GRM5: variants seen among roughly 807,000 people sequenced by gnomAD.
GRM5 encodes metabotropic glutamate receptor 5.
In GRM5, 19 loss-of-function variants were observed where a neutral mutation model predicts 83.1. That is an observed-to-expected ratio of 0.23 (90% CI 0.16 to 0.34). GRM5 has a LOEUF of 0.34. Among genes scored for constraint, GRM5 ranks in the 10% least tolerant of loss-of-function variants. The pLI is 1.00. For missense variants in GRM5, 1,160 were observed against 1,588.3 expected (o/e 0.73, Z 4.58); for synonymous variants, 675 against 633.6 (o/e 1.07, Z -0.98).
At chr11:88,839,933 T>C (rs1023654715) in intron 3 of GRM5, among the ~76,000 whole-genome samples, 3 of 151,886 alleles carry the variant, frequency 2.0e-5, no homozygotes, top group African/African-American at 7.3e-5. Context: ...GGAAGAAAAA[T>C]ATATATTTAC....
At chr11:88,617,370 G>T (rs1208242515) in intron 4 of GRM5, among the ~76,000 whole-genome samples, 1 of 152,080 alleles carries the variant, frequency 6.6e-6, no homozygotes, top group Non-Finnish European at 1.5e-5. Flanking sequence ...AAAAATAACA[G>T]AACTCAAAAC....
chr11:88,919,806 G>C (rs962404074), intron 2 of GRM5, among the ~76,000 whole-genome samples: 10 of 151,978 alleles, frequency 6.6e-5, no homozygotes, highest in Middle Eastern at 6.8e-3. Flanking sequence ...TGACCAGTGG[G>C]CCCATGAATA....
chr11:88,778,806 A>ATT (rs2135460271), intron 3 of GRM5, among the ~76,000 whole-genome samples: 1 of 152,242 alleles, frequency 6.6e-6, no homozygotes, highest in East Asian at 1.9e-4. Context: ...ATGTTTCTCT[A>ATT]TTTAACTGGG....
At chr11:88,973,184 CTTA>C (rs1939221238) in intron 2 of GRM5, among the ~76,000 whole-genome samples, 1 of 152,052 alleles carries the variant, frequency 6.6e-6, no homozygotes, top group East Asian at 1.9e-4. Context: ...TGCATCAATA[CTTA>C]TTTCCTGATT....
chr11:88,505,188 A>G lies in GRM5; in HGVS notation c.*3404T>C, dbSNP rs1221783445. On this transcript the variant is annotated 3_prime_UTR_variant, in exon 10 of 10. Coordinates refer to ENST00000305447, the MANE Select transcript of GRM5 (RefSeq NM_001143831.3). ...ACTGATCTGTATTTTTTCACAGTATAAAATTGTAAATGGTAACTATAGAGA... is the reference window on the plus strand; with the variant it reads ...ACTGATCTGTATTTTTTCACAGTATGAAATTGTAAATGGTAACTATAGAGA... 1 of 152,202 alleles carries G rather than the reference A, an allele frequency of 6.6e-6. No homozygotes were observed. The highest frequency in any genetic ancestry group is 1.5e-5 in the Non-Finnish European group (1 of 68,024). The allele number at this position is 152,202 out of a possible 1,614,324, so 9.4% of individuals were successfully genotyped here. A position where few individuals can be genotyped will look rare whatever the true frequency, so the allele number is the denominator to read the frequency against.
At chr11:88,590,207 A>G (rs937338754) in intron 7 of GRM5, among the ~76,000 whole-genome samples, 2 of 152,182 alleles carry the variant, frequency 1.3e-5, no homozygotes, top group African/African-American at 4.8e-5. Context: ...ATTCTGCCCA[A>G]TTCGGTGATA....
intron 8 of GRM5, among the ~76,000 whole-genome samples, chr11:88,535,684 AC>A (rs1448877666): frequency 6.6e-6 from 1 of 152,132 alleles, no homozygotes; most frequent in Admixed American, 6.5e-5. Flanking sequence ...TTCTTCCAAA[AC>A]TGAGTCTAAG....
intron 2 of GRM5, among the ~76,000 whole-genome samples, chr11:89,043,358 T>C (rs1941574987): frequency 6.6e-6 from 1 of 152,126 alleles, no homozygotes; most frequent in Non-Finnish European, 1.5e-5. Flanking sequence ...AATACAATAA[T>C]TACTTTTCTT....
intron 3 of GRM5, among the ~76,000 whole-genome samples, chr11:88,695,100 C>T (rs183505550): frequency 2.0e-5 from 3 of 152,244 alleles, no homozygotes; most frequent in Admixed American, 2.0e-4. Flanking sequence ...ATTCACAGCT[C>T]TCTAGGTATG....
intron 2 of GRM5, among the ~76,000 whole-genome samples, chr11:88,910,082 C>A (rs891309493): frequency 6.6e-6 from 1 of 152,120 alleles, no homozygotes; most frequent in African/African-American, 2.4e-5. Flanking sequence ...CCAGTTCCCA[C>A]TTCCCCAGTC....
At chr11:89,004,421 A>G (rs1940469418) in intron 2 of GRM5, among the ~76,000 whole-genome samples, 1 of 152,178 alleles carries the variant, frequency 6.6e-6, no homozygotes, top group Non-Finnish European at 1.5e-5. Flanking sequence ...AGATTTGATT[A>G]TCTCTGTCAA....
chr11:88,902,977 A>AAAAAAAAAG (rs1565284969), intron 2 of GRM5, among the ~76,000 whole-genome samples: 1 of 149,152 alleles, frequency 6.7e-6, no homozygotes, highest in Non-Finnish European at 1.5e-5. Context: ...AAAAAAAAAA[A>AAAAAAAAAG]AAGCAAAGAA....
At chr11:88,762,197 T>C (rs935904219) in intron 3 of GRM5, among the ~76,000 whole-genome samples, 2 of 152,014 alleles carry the variant, frequency 1.3e-5, no homozygotes, top group African/African-American at 4.8e-5. Flanking sequence ...TGAGATCTAA[T>C]TAAACTTAAG....
At chr11:88,553,963 T>G (rs1287326696) in intron 8 of GRM5, among the ~76,000 whole-genome samples, 1 of 152,148 alleles carries the variant, frequency 6.6e-6, no homozygotes, top group Non-Finnish European at 1.5e-5. Flanking sequence ...GAAAGGATCA[T>G]TCATCTGGGA....
intron 3 of GRM5, among the ~76,000 whole-genome samples, chr11:88,720,115 C>T (rs1941499454): frequency 6.6e-6 from 1 of 151,982 alleles, no homozygotes; most frequent in Admixed American, 6.6e-5. Flanking sequence ...CAGAACCTGG[C>T]ATTTAGGAGG....
intron 3 of GRM5, among the ~76,000 whole-genome samples, chr11:88,790,129 G>T (rs538627524): frequency 2.0e-5 from 3 of 152,282 alleles, no homozygotes; most frequent in Non-Finnish European, 1.5e-5. Context: ...CTCCCAAAGT[G>T]CTGGGATTAC....
intron 2 of GRM5, among the ~76,000 whole-genome samples, chr11:88,980,672 A>T (rs1250575334): frequency 6.6e-6 from 1 of 151,892 alleles, no homozygotes; most frequent in African/African-American, 2.4e-5. Context: ...AAACACAAAA[A>T]GTTAGTCGGG....
intron 3 of GRM5, among the ~76,000 whole-genome samples, chr11:88,745,400 T>A (rs1262618475): frequency 6.6e-6 from 1 of 151,798 alleles, no homozygotes; most frequent in African/African-American, 2.4e-5. Context: ...GAGACAGGGT[T>A]TCACCATTGT....
intron 3 of GRM5, among the ~76,000 whole-genome samples, chr11:88,776,700 C>G (rs1286486392): frequency 1.3e-5 from 2 of 152,144 alleles, no homozygotes; most frequent in Non-Finnish European, 2.9e-5. Flanking sequence ...ACTTATGAAG[C>G]TTAGTTTGGC....
Sources: allele counts gnomAD v4.1 joint callset (sites outside exome capture counted in the v4.1 genomes callset), GRCh38; gene constraint gnomAD v4.1.1; transcripts MANE v1.5; gene names NCBI Gene and HGNC (gene_info 2026-07-23, HGNC 2026-07-21).